Variants in BRD8 observed in about 807,000 individuals in gnomAD.
BRD8 encodes the protein bromodomain-containing protein 8.
BRD8 carries 67 observed loss-of-function variants against 143.1 expected under a neutral mutation model. That is an observed-to-expected ratio of 0.47 (90% CI 0.38 to 0.57). The LOEUF (loss-of-function observed/expected upper bound fraction) is 0.57. Among genes scored for constraint, BRD8 ranks in the 20% least tolerant of loss-of-function variants. BRD8 has a pLI of 0.00. For synonymous variants in BRD8, 505 were observed against 517.1 expected, an observed-to-expected ratio of 0.98 and a Z score of 0.32; for missense variants, 1,103 against 1,503.0, an observed-to-expected ratio of 0.73 and a Z score of 4.40.
intron 14 of BRD8, chr5:138,163,651 C>T (rs905716152): frequency 2.2e-6 from 3 of 1,386,008 alleles, no homozygotes; most frequent in African/African-American, 1.4e-5. Flanking sequence ...ACCCTGGGTA[C>T]AAAGTTATCA....
intron 6 of BRD8, 170 bp from the exon 7 acceptor site, chr5:138,170,579 A>G: frequency 1.2e-6 from 1 of 822,702 alleles, no homozygotes; most frequent in Non-Finnish European, 2.1e-6. Flanking sequence ...CCTAACTCCC[A>G]GTTCTTCACC....
intron 7 of BRD8, among the ~76,000 whole-genome samples, chr5:138,169,813 G>A (rs970782870): frequency 1.3e-5 from 2 of 152,148 alleles, no homozygotes; most frequent in Non-Finnish European, 2.9e-5. Context: ...ACAAAAATTA[G>A]CTAGGTGTGG....
At chr5:138,171,254 C>T in intron 4 of BRD8, 94 bp from the exon 5 acceptor site, 1 of 1,421,636 alleles carries the variant, frequency 7.0e-7, no homozygotes, top group Admixed American at 1.8e-5. Context: ...TAGATAACTT[C>T]TGCTATTTTT....
chr5:138,177,102 A>T (rs1458674819), intron 2 of BRD8: 1 of 152,376 alleles, frequency 6.6e-6, no homozygotes, highest in African/African-American at 2.4e-5. Flanking sequence ...AAAAAAAAAA[A>T]AAATAGGCCT....
At chr5:138,167,830 G>T in intron 9 of BRD8, 104 bp downstream of exon 9, 1 of 1,036,432 alleles carries the variant, frequency 9.6e-7, no homozygotes, top group Non-Finnish European at 1.5e-6. Flanking sequence ...AAAAAGTTGG[G>T]CTTTAAATCT....
chr5:138,171,515 T>C (rs867827423), intron 3 of BRD8, 105 bp from the exon 4 acceptor site: 109 of 752,710 alleles, frequency 1.4e-4, no homozygotes, highest in Middle Eastern at 1.0e-3. Flanking sequence ...AAGAGAACTA[T>C]ATGTAAGACG....
At chr5:138,156,106 A>G (rs1270623758) in intron 20 of BRD8, among the ~76,000 whole-genome samples, 1 of 147,914 alleles carries the variant, frequency 6.8e-6, no homozygotes, top group Non-Finnish European at 1.5e-5. Context: ...CCTAGGCTCA[A>G]GCAACCCTCC....
intron 8 of BRD8, chr5:138,168,724 A>C (rs1239774575): frequency 5.6e-6 from 6 of 1,080,038 alleles, no homozygotes; most frequent in East Asian, 2.4e-5. Context: ...CTGACTTCTC[A>C]AACTATGGAA....
intron 25 of BRD8, among the ~76,000 whole-genome samples, chr5:138,141,944 TTTGTCTCTGCTGTTTGAATGATGGTATCA>T (rs1197801284): frequency 2.6e-5 from 4 of 151,370 alleles, no homozygotes; most frequent in African/African-American, 4.9e-5. Context: ...CCTAAAGAAG[TTTGTCTCTGCTGTTTGAATGATGGTATCA>T]TTGTCTCTGC....
Position 138,151,010 on chromosome 5 carries a change from T to C in BRD8, c.2857-2A>G, listed in dbSNP as rs1486977232. ...CAAGGGCTCCATTAAATAAGCTACC[T>C]GCAATCAAAGTTTATTATTAGATGC... is the stretch of plus-strand genomic sequence containing the variant. On this transcript the variant is annotated splice_acceptor_variant, in intron 21 of 26. Transcript: ENST00000254900. LOFTEE classifies it high-confidence loss of function. 1.2e-6 allele frequency: 2 copies of C among 1,608,872 alleles called. No homozygotes were observed. Among genetic ancestry groups the C allele is most frequent in the Non-Finnish European group, 1.7e-6 (2 of 1,179,268 alleles).
intron 16 of BRD8, 70 bp downstream of exon 16, chr5:138,161,984 G>C: frequency 6.4e-7 from 1 of 1,571,954 alleles, no homozygotes; most frequent in Non-Finnish European, 8.7e-7. Flanking sequence ...AGCCTACTCA[G>C]ACTTTTTTCC....
chr5:138,170,993 C>G, intron 5 of BRD8, 45 bp downstream of exon 5: 1 of 1,611,642 alleles, frequency 6.2e-7, no homozygotes. Flanking sequence ...AGAAGACAGT[C>G]CCTTATGTCT....
At chr5:138,159,694 A>T in intron 19 of BRD8, 95 bp from the exon 20 acceptor site, 1 of 1,204,864 alleles carries the variant, frequency 8.3e-7, no homozygotes, top group Non-Finnish European at 1.2e-6. Context: ...CACCACACAC[A>T]CAAGGACAAA....
intron 23 of BRD8, 77 bp downstream of exon 23, chr5:138,149,563 G>T (rs1752298018): frequency 7.7e-7 from 1 of 1,296,106 alleles, no homozygotes; most frequent in South Asian, 2.0e-5. Flanking sequence ...ACTTATAAAA[G>T]TAATCCATTT....
Position 138,163,315 on chromosome 5 carries a change from A to G in BRD8, c.1902T>C (p.Asp634=), listed in dbSNP as rs747861315. 4 of 1,614,098 alleles carry G rather than the reference A, an allele frequency of 2.5e-6. No homozygotes were observed. Among genetic ancestry groups the G allele is most frequent in the Non-Finnish European group, 3.4e-6 (4 of 1,180,006 alleles). The part of the protein sequence containing the change: ...KDAPGEDEEE[D]GVSEAASLEE... ...CTAGGCTGGCCGCTTCACTGACACCATCTTCCTCCTCATCCTCACCTGGGG... is the reference window on the plus strand; with the variant it reads ...CTAGGCTGGCCGCTTCACTGACACCGTCTTCCTCCTCATCCTCACCTGGGG... The change falls in exon 15 of 27, where the codon GAT becomes GAC. Residue 634 remains aspartate, a synonymous_variant. Transcript: ENST00000254900.
At chr5:138,167,842 G>T in intron 9 of BRD8, 92 bp downstream of exon 9, 2 of 1,166,648 alleles carry the variant, frequency 1.7e-6, no homozygotes. Flanking sequence ...TTTAAATCTA[G>T]CACTGACAAC....
At chr5:138,163,504 A>G in intron 14 of BRD8, 160 bp from the exon 15 acceptor site, 1 of 1,383,878 alleles carries the variant, frequency 7.2e-7, no homozygotes, top group Admixed American at 2.3e-5. Flanking sequence ...CTACTTACAG[A>G]CACTGCGTTA....
intron 18 of BRD8, among the ~76,000 whole-genome samples, chr5:138,160,388 G>A (rs1752916834): frequency 6.6e-6 from 1 of 152,000 alleles, no homozygotes; most frequent in Non-Finnish European, 1.5e-5. Context: ...CTATAACATA[G>A]GATCAAAATC....
At chr5:138,162,434 G>A (rs564594567) in intron 15 of BRD8, among the ~76,000 whole-genome samples, 18 of 152,040 alleles carry the variant, frequency 1.2e-4, no homozygotes, top group Admixed American at 7.2e-4. Context: ...GGGTTCCAGC[G>A]ATCCTCCTGC....
Sources: gnomAD v4.1 joint callset for allele counts (sites outside exome capture counted in the v4.1 genomes callset) on GRCh38, gnomAD v4.1.1 for gene constraint, MANE v1.5 for transcripts, NCBI Gene and HGNC (gene_info 2026-07-23, HGNC 2026-07-21) for gene names.